The following MYRIP variants were observed in gnomAD, a reference collection of about 807,000 sequenced individuals.
MYRIP encodes myosin VIIA and Rab interacting protein, also known as rab effector MyRIP.
Under a neutral mutation model 98.0 loss-of-function variants are expected in MYRIP, and 49 were observed. That is an observed-to-expected ratio of 0.50 (90% CI 0.40 to 0.63). The LOEUF is 0.63. Ranked by LOEUF, MYRIP falls within the 30% of genes least tolerant of loss-of-function variation. MYRIP has a pLI of 0.00. For synonymous variants in MYRIP, 404 were observed against 409.5 expected, an observed-to-expected ratio of 0.99 and a Z score of 0.16; for missense variants, 1,004 against 1,058.2, an observed-to-expected ratio of 0.95 and a Z score of 0.71.
intron 1 of MYRIP, among the ~76,000 whole-genome samples, chr3:39,811,486 T>C (rs1575261874): frequency 2.0e-5 from 3 of 152,198 alleles, no homozygotes; most frequent in Admixed American, 6.5e-5. Flanking sequence ...AAAATCTTTT[T>C]AGAGAAATTT....
intron 3 of MYRIP, among the ~76,000 whole-genome samples, chr3:40,057,335 G>A (rs774322088): frequency 6.6e-6 from 1 of 152,180 alleles, no homozygotes; most frequent in Non-Finnish European, 1.5e-5. Flanking sequence ...TTGTTACTGG[G>A]ATTGCATTTT....
intron 2 of MYRIP, among the ~76,000 whole-genome samples, chr3:39,906,292 C>T (rs545711839): frequency 6.6e-6 from 1 of 152,200 alleles, no homozygotes; most frequent in East Asian, 1.9e-4. Context: ...GTGAGGCACC[C>T]CATGATATGG....
At chr3:40,205,535 A>C (rs1951769197) in intron 10 of MYRIP, among the ~76,000 whole-genome samples, 1 of 152,200 alleles carries the variant, frequency 6.6e-6, no homozygotes. Context: ...ACACCACACC[A>C]GTGGGCAAGC....
At chr3:40,061,269 T>G (rs12497388) in intron 3 of MYRIP, among the ~76,000 whole-genome samples, 38,070 of 152,094 alleles carry the variant, frequency 0.25, 4,800 homozygotes, top group East Asian at 0.42. Context: ...AGTGTCTGTT[T>G]TTCCCTTCCT....
intron 1 of MYRIP, among the ~76,000 whole-genome samples, chr3:39,841,416 A>G (rs1412959650): frequency 1.3e-5 from 2 of 152,044 alleles, no homozygotes; most frequent in Admixed American, 1.3e-4. Flanking sequence ...TTTAGCTCGG[A>G]GGAGTTTGTT....
At chr3:39,952,812 G>A (rs1945058777) in intron 2 of MYRIP, among the ~76,000 whole-genome samples, 1 of 152,084 alleles carries the variant, frequency 6.6e-6, no homozygotes, top group African/African-American at 2.4e-5. Context: ...ATTATTCGTT[G>A]ACAGGAAAGT....
intron 4 of MYRIP, among the ~76,000 whole-genome samples, chr3:40,155,102 T>C (rs1950197377): frequency 6.6e-6 from 1 of 151,764 alleles, no homozygotes; most frequent in African/African-American, 2.4e-5. Flanking sequence ...TAACTCGTCA[T>C]CTAGCATTAG....
chr3:39,889,678 A>G (rs189354966), intron 1 of MYRIP, among the ~76,000 whole-genome samples: 11 of 152,342 alleles, frequency 7.2e-5, no homozygotes, highest in Non-Finnish European at 8.8e-5. Flanking sequence ...TTAAAGTATA[A>G]TAATAATTAA....
At chr3:40,126,952 G>T (rs1005483365) in intron 3 of MYRIP, among the ~76,000 whole-genome samples, 2 of 152,156 alleles carry the variant, frequency 1.3e-5, no homozygotes, top group African/African-American at 4.8e-5. Context: ...AGGAGACAGT[G>T]CACACTGTCA....
At chr3:39,952,711 A>G (rs903002357) in intron 2 of MYRIP, among the ~76,000 whole-genome samples, 1 of 152,138 alleles carries the variant, frequency 6.6e-6, no homozygotes, top group Non-Finnish European at 1.5e-5. Context: ...GTTGTGAAGG[A>G]TTGGTAGTAA....
chr3:40,103,381 T>G (rs144564291), intron 3 of MYRIP, among the ~76,000 whole-genome samples: 57 of 152,350 alleles, frequency 3.7e-4, no homozygotes, highest in African/African-American at 1.3e-3. Flanking sequence ...CCTGTGAACT[T>G]CATCTAATGT....
At chr3:40,170,149 A>G in intron 8 of MYRIP, 56 bp downstream of exon 8, 1 of 1,585,274 alleles carries the variant, frequency 6.3e-7, no homozygotes, top group Non-Finnish European at 8.6e-7. Context: ...TGGGGCACAC[A>G]TTTAACCCTC....
chr3:40,146,289 A>G (rs138067043), intron 3 of MYRIP, among the ~76,000 whole-genome samples: 2 of 152,260 alleles, frequency 1.3e-5, no homozygotes, highest in African/African-American at 4.8e-5. Context: ...GCCTGAATGA[A>G]GTGTCGGATT....
intron 10 of MYRIP, among the ~76,000 whole-genome samples, chr3:40,203,096 AT>A (rs1261959890): frequency 1.3e-5 from 2 of 151,518 alleles, no homozygotes; most frequent in Admixed American, 6.6e-5. Flanking sequence ...CACCCAGCTA[AT>A]TTTTTTATAT....
chr3:40,071,881 G>A (rs779082993), intron 3 of MYRIP, among the ~76,000 whole-genome samples: 1 of 152,300 alleles, frequency 6.6e-6, no homozygotes, highest in South Asian at 2.1e-4. Context: ...ACAGGGCACA[G>A]CACCTGCAGG....
At chr3:39,920,260 A>G (rs186513536) in intron 2 of MYRIP, among the ~76,000 whole-genome samples, 4 of 152,252 alleles carry the variant, frequency 2.6e-5, no homozygotes, top group East Asian at 1.9e-4. Flanking sequence ...TTAAATTTTT[A>G]TATCTGTTTA....
At chr3:39,960,052 T>C (rs1355730148) in intron 2 of MYRIP, among the ~76,000 whole-genome samples, 1 of 152,076 alleles carries the variant, frequency 6.6e-6, no homozygotes, top group Non-Finnish European at 1.5e-5. Context: ...TTCCCAATCT[T>C]AAGGAAGGCC....
intron 1 of MYRIP, among the ~76,000 whole-genome samples, chr3:39,891,878 A>G (rs1943496980): frequency 6.6e-6 from 1 of 150,542 alleles, no homozygotes; most frequent in Admixed American, 6.6e-5. Flanking sequence ...ACTACTAACC[A>G]TTTTTCTTAT....
intron 2 of MYRIP, among the ~76,000 whole-genome samples, chr3:40,019,870 A>G (rs951757612): frequency 2.6e-5 from 4 of 152,226 alleles, no homozygotes; most frequent in Non-Finnish European, 5.9e-5. Flanking sequence ...TGGGCATTCA[A>G]ATGGACTTAG....
Sources: gnomAD v4.1 joint callset for allele counts (sites outside exome capture counted in the v4.1 genomes callset) on GRCh38, gnomAD v4.1.1 for gene constraint, MANE v1.5 for transcripts, NCBI Gene and HGNC (gene_info 2026-07-23, HGNC 2026-07-21) for gene names.